The following CELSR1 variants were observed in gnomAD, a reference collection of about 807,000 sequenced individuals.
CELSR1 encodes the protein cadherin EGF LAG seven-pass G-type receptor 1.
In CELSR1, 110 loss-of-function variants were observed where a neutral mutation model predicts 249.1. That is an observed-to-expected ratio of 0.44 (90% CI 0.38 to 0.52). The LOEUF (loss-of-function observed/expected upper bound fraction) is 0.52. Ranked by LOEUF, CELSR1 falls within the 20% of genes least tolerant of loss-of-function variation. CELSR1 has a pLI of 0.00. For missense variants in CELSR1, 4,109 were observed against 4,296.4 expected (o/e 0.96, Z 1.22); for synonymous variants, 2,113 against 1,900.0 (o/e 1.11, Z -2.92).
intron 1 of CELSR1, among the ~76,000 whole-genome samples, chr22:46,480,056 T>C (rs2080251194): frequency 6.6e-6 from 1 of 152,236 alleles, no homozygotes; most frequent in African/African-American, 2.4e-5. Context: ...AACTCTGTTA[T>C]AATCAAGTAG....
intron 1 of CELSR1, among the ~76,000 whole-genome samples, chr22:46,477,551 C>A (rs1007674893): frequency 5.1e-5 from 7 of 137,090 alleles, no homozygotes; most frequent in Non-Finnish European, 9.1e-5. Context: ...TGCTCTGTCA[C>A]CAGGCTGGAG....
At chr22:46,469,555 G>A (rs2080132428) in intron 1 of CELSR1, among the ~76,000 whole-genome samples, 1 of 152,018 alleles carries the variant, frequency 6.6e-6, no homozygotes, top group Non-Finnish European at 1.5e-5. Flanking sequence ...TCGCTCTGTT[G>A]CCCAGGCTGG....
At chr22:46,383,639 G>A (rs1351063847) in intron 20 of CELSR1, among the ~76,000 whole-genome samples, 2 of 152,078 alleles carry the variant, frequency 1.3e-5, no homozygotes, top group African/African-American at 2.4e-5. Flanking sequence ...CAATCCTCCC[G>A]CCTCAGCCTC....
rs1245015762 is a variant in CELSR1 at position 46,445,343 on chromosome 22, A to ATT, written c.4184-5933_4184-5932insAA. The stretch of plus-strand genomic sequence containing the variant: ...ACCCCGTCTCTACTAAAAATATAAA[A>ATT]ATTAGCCGGGTATGGTGGCGCATGC... On this transcript the variant is annotated intron_variant, in intron 2 of 34. Transcript: ENST00000674500. The surrounding 1 kb of genome is among the most constrained non-coding windows in gnomAD (Gnocchi z 4.4). Among the ~76,000 whole-genome samples, 4 of 151,798 alleles carry ATT rather than the reference A, an allele frequency of 2.6e-5. No individual in the cohort carries two copies. Among genetic ancestry groups the ATT allele is most frequent in the Non-Finnish European group, 5.9e-5 (4 of 67,990 alleles).
In CELSR1 at chr22:46,468,117, G is replaced by A. The variant is rs2147608493; in HGVS notation, c.3545-3772C>T. 6.6e-6 allele frequency among the ~76,000 whole-genome samples: 1 copy of A among 152,154 alleles called. No individual in the cohort carries two copies. The highest frequency in any genetic ancestry group is 1.5e-5 in the Non-Finnish European group (1 of 68,006). On this transcript the variant is annotated intron_variant, in intron 1 of 34. Transcript: ENST00000674500. The surrounding 1 kb of genome is among the most constrained non-coding windows in gnomAD (Gnocchi z 4.5). ...AAACAATGTGGTCTGGCCAGGTGTGGTGGCTTACACCTGTAATCACAGCAC... is the reference window on the plus strand; with the variant it reads ...AAACAATGTGGTCTGGCCAGGTGTGATGGCTTACACCTGTAATCACAGCAC...
At chr22:46,474,908 C>T (rs2080192786) in intron 1 of CELSR1, among the ~76,000 whole-genome samples, 2 of 147,008 alleles carry the variant, frequency 1.4e-5, no homozygotes, top group African/African-American at 5.0e-5. Flanking sequence ...CTAAGAACAG[C>T]AAGCCGCTTC....
rs973482034 is a variant in CELSR1 at position 46,361,898 on chromosome 22, G to C, written c.*1325C>G. 19 of 152,270 alleles carry C rather than the reference G, an allele frequency of 1.2e-4. No homozygotes were observed. Among genetic ancestry groups the C allele is most frequent in the African/African-American group, 4.6e-4 (19 of 41,464 alleles). 9.4% of individuals were successfully genotyped at this position (152,270 alleles called of 1,614,324 possible). On this transcript the variant is annotated 3_prime_UTR_variant, in exon 35 of 35. Coordinates refer to ENST00000674500, the MANE Select transcript of CELSR1 (RefSeq NM_001378328.1). ...GTTCCACAGCCCCTCGGGCCACGCT[G>C]TGCCAGCTGCCTGCAGTGGGCCCGA...
rs748442209 is a variant in CELSR1, at chr22:46,535,422, G to A, written c.1749C>T (p.Pro583=). 15 of 1,608,208 alleles carry A rather than the reference G, an allele frequency of 9.3e-6. No individual in the cohort carries two copies. In the Admixed American group the frequency reaches 1.3e-4, roughly 14 times the overall value. ...TVLENVPLGY[P]VVHIQAVDAD... Reference sequence around the variant, plus strand: ...CGTCCACCGCCTGAATGTGCACCACGGGGTAGCCCAGGGGCACATTCTCCA... The same window carrying A: ...CGTCCACCGCCTGAATGTGCACCACAGGGTAGCCCAGGGGCACATTCTCCA... The change falls in exon 1 of 35, where the codon CCC becomes CCT. Residue 583 remains proline (P), a synonymous_variant. Transcript: ENST00000674500.
In CELSR1 at chr22:46,393,298, C is replaced by T. The variant is rs182861490; in HGVS notation, c.5964+844G>A. ...GTCCCTAGAGTCTGCACTGAGAACGCGTGTGCATTTCTGGAGACACGAGAT... is the reference window on the plus strand; with the variant it reads ...GTCCCTAGAGTCTGCACTGAGAACGTGTGTGCATTTCTGGAGACACGAGAT... On this transcript the variant is annotated intron_variant, in intron 14 of 34. Coordinates refer to ENST00000674500, the MANE Select transcript of CELSR1 (RefSeq NM_001378328.1). This position sits in a 1 kb window ranked among gnomAD's most constrained non-coding sequence, Gnocchi z 4.1. Among the ~76,000 whole-genome samples the T allele has an allele frequency of 6.7e-4, 102 of 152,320 alleles. 3 individuals carry two copies. The East Asian group carries it at 0.015, about 22-fold the overall frequency.
At chr22:46,463,660 T>G in intron 2 of CELSR1, 47 bp downstream of exon 2, 1 of 1,460,848 alleles carries the variant, frequency 6.8e-7, no homozygotes, top group Non-Finnish European at 9.0e-7. Flanking sequence ...CTCGGCCATG[T>G]GACCTGGGGA....
chr22:46,467,431 C>T (rs1318531131), intron 1 of CELSR1, among the ~76,000 whole-genome samples: 4 of 151,938 alleles, frequency 2.6e-5, no homozygotes, highest in Admixed American at 2.0e-4. Flanking sequence ...CCAAAATATG[C>T]GCAAATAAAA....
intron 5 of CELSR1, among the ~76,000 whole-genome samples, chr22:46,421,118 G>A (rs1017325727): frequency 6.6e-6 from 1 of 152,198 alleles, no homozygotes; most frequent in African/African-American, 2.4e-5. Context: ...CTAACATGAG[G>A]ATCACGTGGG....
rs947120107 is a variant in CELSR1 at position 46,390,528 on chromosome 22, T to C, written c.6251-42A>G. On this transcript the variant is annotated intron_variant, in intron 16 of 34. Coordinates refer to ENST00000674500, the MANE Select transcript of CELSR1 (RefSeq NM_001378328.1). This position sits in a 1 kb window ranked among gnomAD's most constrained non-coding sequence, Gnocchi z 6.3. Reference sequence around the variant, plus strand: ...GGTGTGCAAAGCCTGAAACTCAAACTGTTGATCAATGCTTGTGTATTTCAA... The same window carrying C: ...GGTGTGCAAAGCCTGAAACTCAAACCGTTGATCAATGCTTGTGTATTTCAA... 6.9e-7 allele frequency: 1 copy of C among 1,445,064 alleles called. No homozygotes were observed. The highest frequency in any genetic ancestry group is 1.4e-5 in the African/African-American group (1 of 71,568). 89.5% of individuals were successfully genotyped at this position (1,445,064 alleles called of 1,614,324 possible). A position where few individuals can be genotyped will look rare whatever the true frequency, so the allele number is the denominator to read the frequency against.
At chr22:46,388,278 G>A (rs2079052394) in intron 18 of CELSR1, among the ~76,000 whole-genome samples, 1 of 152,158 alleles carries the variant, frequency 6.6e-6, no homozygotes, top group African/African-American at 2.4e-5. Flanking sequence ...GAACCCGGGA[G>A]GTGGAGGTTG....
chr22:46,425,547 G>A (rs1220685168), intron 5 of CELSR1, among the ~76,000 whole-genome samples: 1 of 152,094 alleles, frequency 6.6e-6, no homozygotes, highest in Non-Finnish European at 1.5e-5. Flanking sequence ...CCGTGCATCT[G>A]GGTTTTAAAT....
chr22:46,530,159 A>C (rs924200138), intron 1 of CELSR1: 2 of 146,562 alleles, frequency 1.4e-5, no homozygotes, highest in African/African-American at 5.5e-5. Flanking sequence ...CAAATAATTA[A>C]AAAAAAAATC....
In CELSR1 at chr22:46,440,458, C is replaced by A. The variant is rs2079732108; in HGVS notation, c.4184-1047G>T. Reference sequence around the variant, plus strand: ...TCGTGATCCGCCTGCCTTGGCCTCCCAAAGTGCTGGGATTACAGGCGTGAG... The same window carrying A: ...TCGTGATCCGCCTGCCTTGGCCTCCAAAAGTGCTGGGATTACAGGCGTGAG... On this transcript the variant is annotated intron_variant, in intron 2 of 34. Coordinates refer to ENST00000674500, the MANE Select transcript of CELSR1 (RefSeq NM_001378328.1). The surrounding 1 kb of genome is among the most constrained non-coding windows in gnomAD (Gnocchi z 4.7). Among the ~76,000 whole-genome samples, 1 of 152,210 alleles carries A rather than the reference C, an allele frequency of 6.6e-6. No homozygotes were observed. The highest frequency in any genetic ancestry group is 1.5e-5 in the Non-Finnish European group (1 of 68,046).
intron 19 of CELSR1, among the ~76,000 whole-genome samples, chr22:46,386,160 G>T (rs1471023625): frequency 1.3e-5 from 2 of 152,080 alleles, no homozygotes. Flanking sequence ...AGTAGAGATG[G>T]GGTTTCACCA....
Position 46,399,925 on chromosome 22 carries a change from G to T in CELSR1, c.5227-23C>A, listed in dbSNP as rs767017171. The T allele has an allele frequency of 1.2e-6, 2 of 1,611,642 alleles. No individual in the cohort carries two copies. The highest frequency in any genetic ancestry group is 1.7e-6 in the Non-Finnish European group (2 of 1,178,210). ...GATCTGGAGCAGGGAGAGCCACACC[G>T]ACTGATTGGTACAATGACAATGAAA... On this transcript the variant is annotated intron_variant, in intron 9 of 34. Transcript: ENST00000674500. The surrounding 1 kb of genome is among the most constrained non-coding windows in gnomAD (Gnocchi z 5.0).
Sources: allele counts gnomAD v4.1 joint callset (sites outside exome capture counted in the v4.1 genomes callset), GRCh38; gene constraint gnomAD v4.1.1; non-coding constraint Gnocchi (gnomAD v3.1); transcripts MANE v1.5; gene names NCBI Gene and HGNC (gene_info 2026-07-23, HGNC 2026-07-21).